SGCZ: variants seen among roughly 807,000 people sequenced by gnomAD.
The protein encoded by SGCZ is zeta-sarcoglycan.
A neutral mutation model predicts 41.3 loss-of-function variants in SGCZ; 40 were observed. The ratio of observed to expected loss-of-function variants is 0.97; its 90% CI spans 0.75 to 1.26. The LOEUF (loss-of-function observed/expected upper bound fraction) is 1.26. SGCZ is among the 50% of genes most tolerant of loss of function. The pLI is 0.00. For synonymous variants in SGCZ, 206 were observed against 137.5 expected (o/e 1.50, Z -3.49); for missense variants, 552 against 369.8 (o/e 1.49, Z -4.04).
intron 4 of SGCZ, among the ~76,000 whole-genome samples, chr8:14,226,833 G>T (rs1049449994): frequency 5.3e-5 from 8 of 152,090 alleles, no homozygotes; most frequent in African/African-American, 1.9e-4. Context: ...GAGTATAAAA[G>T]TTCCAGTAGC....
At chr8:15,192,743 C>T (rs1800582525) in intron 1 of SGCZ, among the ~76,000 whole-genome samples, 1 of 152,090 alleles carries the variant, frequency 6.6e-6, no homozygotes, top group Non-Finnish European at 1.5e-5. Context: ...CTGAAGTCTT[C>T]TGCCCCATTG....
At chr8:14,117,423 T>C (rs920350394) in intron 5 of SGCZ, among the ~76,000 whole-genome samples, 2 of 148,256 alleles carry the variant, frequency 1.3e-5, no homozygotes, top group African/African-American at 4.9e-5. Flanking sequence ...TGTGTGTGTG[T>C]GTGTGTGTGT....
At chr8:14,492,130 T>C (rs761223438) in intron 2 of SGCZ, among the ~76,000 whole-genome samples, 1 of 152,194 alleles carries the variant, frequency 6.6e-6, no homozygotes, top group African/African-American at 2.4e-5. Context: ...GAATAATAGA[T>C]GTGTTAAAAT....
chr8:14,175,572 C>A (rs1391192822), intron 4 of SGCZ, among the ~76,000 whole-genome samples: 1 of 152,006 alleles, frequency 6.6e-6, no homozygotes, highest in Non-Finnish European at 1.5e-5. Flanking sequence ...CAAATTTTTA[C>A]TTTTTCTTTT....
At chr8:14,442,395 A>C (rs1003273537) in intron 2 of SGCZ, among the ~76,000 whole-genome samples, 8 of 152,174 alleles carry the variant, frequency 5.3e-5, no homozygotes, top group African/African-American at 1.9e-4. Flanking sequence ...CATGATTGTG[A>C]AGCCTCTTCA....
At chr8:15,068,552 G>A (rs1805235672) in intron 1 of SGCZ, among the ~76,000 whole-genome samples, 7 of 152,058 alleles carry the variant, frequency 4.6e-5, no homozygotes, top group Admixed American at 4.6e-4. Flanking sequence ...TCAATAAGTT[G>A]CCAAAAAAAT....
chr8:14,996,156 A>T (rs920950550), intron 1 of SGCZ, among the ~76,000 whole-genome samples: 38 of 151,452 alleles, frequency 2.5e-4, no homozygotes, highest in Non-Finnish European at 3.2e-4. Context: ...GCCCACCTCA[A>T]CCTCCCAAAG....
rs1000665351 is a variant in SGCZ at position 14,355,453 on chromosome 8, T to A, written c.235-31249A>T. Among the ~76,000 whole-genome samples, 11 of 152,220 alleles carry A rather than the reference T, an allele frequency of 7.2e-5. No individual in the cohort carries two copies. The East Asian group carries it at 2.1e-3, about 29-fold the overall frequency. On this transcript the variant is annotated intron_variant, in intron 2 of 7. Transcript: ENST00000382080. The stretch of plus-strand genomic sequence containing the variant: ...ATTCTTTAACAAATACTGGCCTATT[T>A]ATATGAGCTACATGAAGACTTTTTG...
intron 2 of SGCZ, among the ~76,000 whole-genome samples, chr8:14,503,804 T>C (rs910863201): frequency 6.6e-6 from 1 of 152,070 alleles, no homozygotes; most frequent in Non-Finnish European, 1.5e-5. Context: ...AACAGAATAA[T>C]TTTTAAGACT....
intron 1 of SGCZ, among the ~76,000 whole-genome samples, chr8:15,122,142 A>G (rs1467928464): frequency 2.0e-5 from 3 of 149,182 alleles, no homozygotes; most frequent in Non-Finnish European, 4.4e-5. Flanking sequence ...CTCCAACTCT[A>G]TCATATCATG....
At chr8:14,197,463 GTTGT>G (rs1805302088) in intron 4 of SGCZ, among the ~76,000 whole-genome samples, 1 of 151,932 alleles carries the variant, frequency 6.6e-6, no homozygotes, top group African/African-American at 2.4e-5. Flanking sequence ...CATAGATAAT[GTTGT>G]TTATCACAAG....
chr8:14,321,201 C>G (rs7017763), intron 3 of SGCZ, among the ~76,000 whole-genome samples: 1 of 151,688 alleles, frequency 6.6e-6, no homozygotes, highest in African/African-American at 2.4e-5. Flanking sequence ...AGTAATCTTC[C>G]CTGAGAATAA....
intron 2 of SGCZ, among the ~76,000 whole-genome samples, chr8:14,379,208 A>G (rs972656298): frequency 6.6e-6 from 1 of 152,190 alleles, no homozygotes; most frequent in Non-Finnish European, 1.5e-5. Flanking sequence ...ATATTATTAT[A>G]TACCTAGGAA....
At chr8:15,008,522 G>T (rs1802688715) in intron 1 of SGCZ, among the ~76,000 whole-genome samples, 1 of 56,888 alleles carries the variant, frequency 1.8e-5, no homozygotes, top group African/African-American at 7.0e-5. Context: ...CCTGTATAAA[G>T]GGAGGGAAGG....
chr8:15,137,883 G>A (rs985056223), intron 1 of SGCZ, among the ~76,000 whole-genome samples: 6 of 152,162 alleles, frequency 3.9e-5, no homozygotes, highest in African/African-American at 1.4e-4. Flanking sequence ...CTGCCTAATG[G>A]AGCTGTGAGA....
At chr8:14,804,550 G>A (rs1384525605) in intron 1 of SGCZ, among the ~76,000 whole-genome samples, 5 of 136,430 alleles carry the variant, frequency 3.7e-5, no homozygotes, top group African/African-American at 1.3e-4. Context: ...AAAGAAATGA[G>A]CAAAGCCTCC....
chr8:14,172,724 G>A (rs1804424424), intron 4 of SGCZ, among the ~76,000 whole-genome samples: 1 of 152,118 alleles, frequency 6.6e-6, no homozygotes, highest in Admixed American at 6.5e-5. Context: ...GCCCATCGGT[G>A]TTGGCAGCTA....
intron 1 of SGCZ, among the ~76,000 whole-genome samples, chr8:14,734,491 G>C (rs914334869): frequency 1.3e-5 from 2 of 152,086 alleles, no homozygotes; most frequent in African/African-American, 4.8e-5. Context: ...GCACCGTAAA[G>C]GTTTAGCAAC....
rs191795433 is a variant in SGCZ at position 14,724,906 on chromosome 8, T to C, written c.40-169980A>G. Among the ~76,000 whole-genome samples, 3 of 152,272 alleles carry C rather than the reference T, an allele frequency of 2.0e-5. No homozygotes were observed. In the East Asian group the frequency reaches 5.8e-4, roughly 29 times the overall value. ...GCATGCAATAAATTATTGTCAACCATAGTCGCCCTATAGTGCTACTTAATA... is the reference window on the plus strand; with the variant it reads ...GCATGCAATAAATTATTGTCAACCACAGTCGCCCTATAGTGCTACTTAATA... On this transcript the variant is annotated intron_variant, in intron 1 of 7. Transcript: ENST00000382080.
Sources: allele counts gnomAD v4.1 joint callset (sites outside exome capture counted in the v4.1 genomes callset), GRCh38; gene constraint gnomAD v4.1.1; transcripts MANE v1.5; gene names NCBI Gene and HGNC (gene_info 2026-07-23, HGNC 2026-07-21).